Variants in HMGB1 observed in about 807,000 individuals in gnomAD.
HMGB1 encodes high mobility group box 1, also known as high mobility group protein B1.
For synonymous variants in HMGB1, 81 were observed against 84.0 expected (o/e 0.96, Z 0.19); for missense variants, 79 against 253.5 (o/e 0.31, Z 4.67).
intron 1 of HMGB1, among the ~76,000 whole-genome samples, chr13:30,550,881 T>C (rs1254456551): frequency 6.6e-6 from 1 of 152,212 alleles, no homozygotes; most frequent in African/African-American, 2.4e-5. Flanking sequence ...GAAAACTAGC[T>C]GGTGGAAGAC....
At chr13:30,558,732 C>T (rs1336750568) in intron 1 of HMGB1, among the ~76,000 whole-genome samples, 3 of 152,168 alleles carry the variant, frequency 2.0e-5, no homozygotes, top group Admixed American at 6.5e-5. Context: ...ATCCTCAAAA[C>T]CCCAGGAGCT....
intron 1 of HMGB1, among the ~76,000 whole-genome samples, chr13:30,567,392 G>A (rs886091929): frequency 1.4e-5 from 2 of 145,098 alleles, no homozygotes; most frequent in Non-Finnish European, 3.0e-5. Context: ...TCACCAGGCT[G>A]GAGTGCAGTG....
intron 1 of HMGB1, among the ~76,000 whole-genome samples, chr13:30,485,933 G>C (rs1302387052): frequency 6.6e-6 from 1 of 152,194 alleles, no homozygotes; most frequent in Non-Finnish European, 1.5e-5. Flanking sequence ...TCTAGAGAAA[G>C]TCAGTGCCTT....
rs75648008 is a variant in HMGB1 at position 30,606,957 on chromosome 13, G to C, written c.-15+9714C>G. Among the ~76,000 whole-genome samples the C allele has an allele frequency of 3.0e-3, 457 of 152,314 alleles. 1 individual carries two copies. Among genetic ancestry groups the C allele is most frequent in the Non-Finnish European group, 5.0e-3 (342 of 68,022 alleles). On this transcript the variant is annotated intron_variant, in intron 1 of 4. Transcript: ENST00000405805. ...TCAAGTTTCCTCACTTACACTGTAAGATTACGTAGCATATTTTAAGAAATA... is the reference window on the plus strand; with the variant it reads ...TCAAGTTTCCTCACTTACACTGTAACATTACGTAGCATATTTTAAGAAATA...
intron 1 of HMGB1, among the ~76,000 whole-genome samples, chr13:30,519,578 T>C (rs1410196873): frequency 6.7e-6 from 1 of 150,342 alleles, no homozygotes; most frequent in East Asian, 2.0e-4. Flanking sequence ...CGGGCGCCTG[T>C]AGTCCCAGCT....
chr13:30,556,612 T>C (rs1454976782), intron 1 of HMGB1, among the ~76,000 whole-genome samples: 1 of 152,176 alleles, frequency 6.6e-6, no homozygotes, highest in African/African-American at 2.4e-5. Context: ...TGATGGAATA[T>C]AGATGAAACT....
Position 30,518,055 on chromosome 13 carries a change from G to A in HMGB1, c.-14-54361C>T, listed in dbSNP as rs148971112. ...CCTTCTAACTCTTATATCTGGCTGG[G>A]TGTGGTGGCTCACGCCTGTAATCCG... On this transcript the variant is annotated intron_variant, in intron 1 of 4. Transcript: ENST00000405805. Among the ~76,000 whole-genome samples, 1,352 of 152,312 alleles carry A rather than the reference G, an allele frequency of 8.9e-3. 6 individuals are homozygous for A. The highest frequency in any genetic ancestry group is 0.01 in the Non-Finnish European group (705 of 68,034).
At chr13:30,551,329 C>G (rs1002040479) in intron 1 of HMGB1, among the ~76,000 whole-genome samples, 6 of 152,114 alleles carry the variant, frequency 3.9e-5, no homozygotes, top group African/African-American at 1.4e-4. Context: ...TGAACTGAAC[C>G]AAGTCCATCT....
intron 1 of HMGB1, among the ~76,000 whole-genome samples, chr13:30,549,079 T>C (rs1357964703): frequency 6.6e-6 from 1 of 152,078 alleles, no homozygotes; most frequent in African/African-American, 2.4e-5. Flanking sequence ...GGAGGAACTC[T>C]TGTGCCCAGG....
chr13:30,617,214 A>G (rs1950575281), exon 1 of HMGB1: 1 of 152,338 alleles, frequency 6.6e-6, no homozygotes. Context: ...TGCTCCCCTT[A>G]CCGTGAGAAG....
At chr13:30,547,624 AT>A (rs59336080) in intron 1 of HMGB1, among the ~76,000 whole-genome samples, 4,341 of 146,204 alleles carry the variant, frequency 0.03, 139 homozygotes, top group African/African-American at 0.083. Flanking sequence ...AGGACTTTAG[AT>A]TTTTTTTTTT....
intron 1 of HMGB1, among the ~76,000 whole-genome samples, chr13:30,483,149 A>G (rs1384675395): frequency 1.3e-5 from 2 of 152,110 alleles, no homozygotes; most frequent in African/African-American, 4.8e-5. Context: ...GTCAGAGAAT[A>G]TAGCCAAGGG....
chr13:30,518,327 T>G (rs1888147044), intron 1 of HMGB1, among the ~76,000 whole-genome samples: 1 of 152,154 alleles, frequency 6.6e-6, no homozygotes, highest in Non-Finnish European at 1.5e-5. Flanking sequence ...ACAGAGACCT[T>G]GTCTGAAACA....
chr13:30,558,687 GC>G (rs1869800791), intron 1 of HMGB1, among the ~76,000 whole-genome samples: 1 of 152,260 alleles, frequency 6.6e-6, no homozygotes, highest in African/African-American at 2.4e-5. Flanking sequence ...ATAGAATCAA[GC>G]CATTCAAGTG....
At chr13:30,486,567 C>A (rs9551926) in intron 1 of HMGB1, among the ~76,000 whole-genome samples, 24,357 of 152,150 alleles carry the variant, frequency 0.16, 2,587 homozygotes, top group East Asian at 0.44. Context: ...GTATTCCTCG[C>A]CTCTTGGCAC....
intron 1 of HMGB1, among the ~76,000 whole-genome samples, chr13:30,494,964 T>C (rs1887578663): frequency 6.6e-6 from 1 of 152,244 alleles, no homozygotes. Context: ...CTTAACACAA[T>C]GTCCTCAATG....
chr13:30,521,090 C>T (rs1888227302), intron 1 of HMGB1, among the ~76,000 whole-genome samples: 1 of 152,128 alleles, frequency 6.6e-6, no homozygotes, highest in Non-Finnish European at 1.5e-5. Context: ...GAATTTCAGA[C>T]ATGTTGGTAA....
rs945912151 is a variant in HMGB1 at position 30,487,948 on chromosome 13, A to G, written c.-14-24254T>C. Among the ~76,000 whole-genome samples, 5 of 152,326 alleles carry G rather than the reference A, an allele frequency of 3.3e-5. No homozygotes were observed. The East Asian group carries it at 9.6e-4, about 29-fold the overall frequency. On this transcript the variant is annotated intron_variant, in intron 1 of 4. Coordinates refer to the HMGB1 transcript ENST00000405805. ...TAAAAAAAATTCTAAGCTACTAATT[A>G]AAGGGAAAAAAATTATACTCTTAGT...
intron 1 of HMGB1, among the ~76,000 whole-genome samples, chr13:30,497,247 C>A (rs1010215342): frequency 1.1e-4 from 16 of 152,108 alleles, no homozygotes; most frequent in African/African-American, 3.6e-4. Flanking sequence ...ATTTTTGGAT[C>A]TACCACTGAT....
Sources: gnomAD v4.1 joint callset for allele counts (sites outside exome capture counted in the v4.1 genomes callset) on GRCh38, gnomAD v4.1.1 for gene constraint, MANE v1.5 for transcripts, NCBI Gene and HGNC (gene_info 2026-07-23, HGNC 2026-07-21) for gene names.